SLC8A1: variants seen among roughly 807,000 people sequenced by gnomAD.
SLC8A1 encodes solute carrier family 8 member A1, also known as sodium/calcium exchanger 1.
In SLC8A1, 18 loss-of-function variants were observed where a neutral mutation model predicts 68.3. That is an observed-to-expected ratio of 0.26 (90% CI 0.18 to 0.39). The LOEUF (loss-of-function observed/expected upper bound fraction) is 0.39. Ranked by LOEUF, SLC8A1 falls within the 10% of genes least tolerant of loss-of-function variation. SLC8A1 has a pLI of 1.00. For synonymous variants in SLC8A1, 475 were observed against 415.5 expected (o/e 1.14, Z -1.74); for missense variants, 985 against 1,156.7 (o/e 0.85, Z 2.15).
At chr2:40,119,969 T>C (rs977207769) in intron 7 of SLC8A1, among the ~76,000 whole-genome samples, 2 of 152,230 alleles carry the variant, frequency 1.3e-5, no homozygotes, top group Admixed American at 6.5e-5. Flanking sequence ...GTTCATGGTA[T>C]ATTACCTTGC....
chr2:40,374,901 T>G (rs535840252), intron 2 of SLC8A1, among the ~76,000 whole-genome samples: 1 of 152,244 alleles, frequency 6.6e-6, no homozygotes, highest in East Asian at 1.9e-4. Flanking sequence ...AAAGTACTCG[T>G]CAATATCCAC....
intron 2 of SLC8A1, among the ~76,000 whole-genome samples, chr2:40,338,765 A>G (rs1181229210): frequency 6.6e-6 from 1 of 152,198 alleles, no homozygotes; most frequent in Non-Finnish European, 1.5e-5. Context: ...TCTTTTAGAA[A>G]TTTCCTAATA....
chr2:40,194,991 C>T (rs1052001790), intron 2 of SLC8A1, among the ~76,000 whole-genome samples: 3 of 152,074 alleles, frequency 2.0e-5, no homozygotes, highest in Non-Finnish European at 4.4e-5. Context: ...GGCAAGAAAG[C>T]ATGGAGCTGA....
exon 2 of SLC8A1, chr2:40,429,902 C>T: frequency 3.7e-6 from 6 of 1,613,580 alleles, no homozygotes; most frequent in Non-Finnish European, 5.1e-6. Flanking sequence ...CAGATCCTCA[C>T]AGTTGTCTTG....
chr2:40,245,611 G>T (rs1375392708), intron 2 of SLC8A1, among the ~76,000 whole-genome samples: 1 of 151,976 alleles, frequency 6.6e-6, no homozygotes, highest in Non-Finnish European at 1.5e-5. Flanking sequence ...ACTGAATTTA[G>T]CAAAATCAGG....
chr2:40,283,192 T>G (rs1286081441), intron 2 of SLC8A1, among the ~76,000 whole-genome samples: 2 of 152,220 alleles, frequency 1.3e-5, no homozygotes, highest in Non-Finnish European at 2.9e-5. Context: ...CTTTTTGTTC[T>G]CTAATGAGAG....
intron 2 of SLC8A1, among the ~76,000 whole-genome samples, chr2:40,297,230 A>G (rs2070562109): frequency 6.6e-6 from 1 of 152,208 alleles, no homozygotes; most frequent in African/African-American, 2.4e-5. Flanking sequence ...CATGTTCAAT[A>G]ATAAATATGT....
At chr2:40,102,420 A>G (rs780291517) in exon 8 of SLC8A1, 1 of 151,466 alleles carries the variant, frequency 6.6e-6, no homozygotes, top group Non-Finnish European at 1.5e-5. Context: ...AAGGACTTAT[A>G]GAAAAGAGTG....
At chr2:40,100,378 AAGAG>A (rs2033823548) in exon 8 of SLC8A1, 1 of 152,248 alleles carries the variant, frequency 6.6e-6, no homozygotes, top group Non-Finnish European at 1.5e-5. Context: ...CTGTTAAAAA[AAGAG>A]AGAAAGAGAA....
At chr2:40,335,688 A>G (rs1429209470) in intron 2 of SLC8A1, among the ~76,000 whole-genome samples, 2 of 152,266 alleles carry the variant, frequency 1.3e-5, no homozygotes, top group African/African-American at 2.4e-5. Context: ...GTCTAGGAAC[A>G]GCCCTTTGCT....
chr2:40,251,310 T>G (rs2062712796), intron 2 of SLC8A1: 2 of 152,182 alleles, frequency 1.3e-5, no homozygotes, highest in South Asian at 4.1e-4. Context: ...CCAAGGAGAC[T>G]GTGTAAACAG....
chr2:40,176,051 T>G (rs1337562521), intron 3 of SLC8A1: 6 of 428,374 alleles, frequency 1.4e-5, no homozygotes, highest in East Asian at 7.4e-5. Flanking sequence ...GACGTATAAT[T>G]TGTCTTTCAG....
At chr2:40,119,491 T>A (rs190145650) in intron 7 of SLC8A1, among the ~76,000 whole-genome samples, 1 of 152,186 alleles carries the variant, frequency 6.6e-6, no homozygotes, top group East Asian at 1.9e-4. Flanking sequence ...ATACATCACA[T>A]ACCATATGTT....
At chr2:40,113,293 G>A (rs1572691782) in exon 8 of SLC8A1, 1 of 152,734 alleles carries the variant, frequency 6.5e-6, no homozygotes. Context: ...GGCTAGGAAT[G>A]TCTCCAGCCT....
At chr2:40,463,523 T>C (rs1268836066) in intron 1 of SLC8A1, among the ~76,000 whole-genome samples, 2 of 152,130 alleles carry the variant, frequency 1.3e-5, no homozygotes, top group South Asian at 2.1e-4. Flanking sequence ...CTCTCTCTCA[T>C]ACAAAATTTA....
At chr2:40,247,043 T>C (rs1203629232) in intron 2 of SLC8A1, among the ~76,000 whole-genome samples, 1 of 152,232 alleles carries the variant, frequency 6.6e-6, no homozygotes, top group East Asian at 1.9e-4. Flanking sequence ...CATTTTAGTG[T>C]GAAATCATGC....
intron 2 of SLC8A1, among the ~76,000 whole-genome samples, chr2:40,373,388 G>C (rs1028646544): frequency 1.3e-5 from 2 of 152,008 alleles, no homozygotes; most frequent in Admixed American, 6.6e-5. Context: ...AATCTCCCAT[G>C]TTCAAAATTT....
intron 2 of SLC8A1, among the ~76,000 whole-genome samples, chr2:40,214,964 G>A (rs1330717040): frequency 6.6e-6 from 1 of 152,132 alleles, no homozygotes; most frequent in Non-Finnish European, 1.5e-5. Context: ...TCATGGAGCA[G>A]TGGACTAGTT....
intron 7 of SLC8A1, among the ~76,000 whole-genome samples, chr2:40,133,797 C>G (rs10193802): frequency 0.96 from 145,836 of 152,078 alleles, 70,248 homozygotes; most frequent in East Asian, 1. Flanking sequence ...AGGAACAAGA[C>G]ATGAAAGGAA....
Sources: allele counts gnomAD v4.1 joint callset (sites outside exome capture counted in the v4.1 genomes callset), GRCh38; gene constraint gnomAD v4.1.1; transcripts MANE v1.5; gene names NCBI Gene and HGNC (gene_info 2026-07-23, HGNC 2026-07-21).